Variants in ZFP42 observed in about 807,000 individuals in gnomAD.
ZFP42 encodes ZFP42 zinc finger protein.
For synonymous variants in ZFP42, 175 were observed against 144.6 expected (o/e 1.21, Z -1.51); for missense variants, 438 against 377.1 (o/e 1.16, Z -1.34).
chr4:188,003,754 T>C lies in ZFP42; in HGVS notation c.*14T>C. On this transcript the variant is annotated 3_prime_UTR_variant, in exon 4 of 4. Coordinates refer to ENST00000326866, the MANE Select transcript of ZFP42 (RefSeq NM_174900.5). ...GAGGGAAAGTAGTCCTCCAACAGGA[T>C]GAAGCAGATTAACAGAAGAGTGATC... The C allele has an allele frequency of 6.3e-7, 1 of 1,595,012 alleles. No individual in the cohort carries two copies. The highest frequency in any genetic ancestry group is 8.6e-7 in the Non-Finnish European group (1 of 1,167,682).
chr4:187,997,775 C>T (rs1733658873), intron 1 of ZFP42, among the ~76,000 whole-genome samples: 1 of 152,102 alleles, frequency 6.6e-6, no homozygotes. Context: ...TGAGCAACCC[C>T]ACGTACTATG....
At chr4:188,001,346 C>A (rs544125809) in intron 3 of ZFP42, among the ~76,000 whole-genome samples, 1 of 152,242 alleles carries the variant, frequency 6.6e-6, no homozygotes, top group Non-Finnish European at 1.5e-5. Flanking sequence ...ATAGTCAAAG[C>A]AATAACATAT....
downstream of ZFP42, chr4:188,005,132 T>C (rs961422304): frequency 5.4e-5 from 9 of 166,742 alleles, no homozygotes; most frequent in Non-Finnish European, 4.4e-5. Flanking sequence ...TTAGCAAAAT[T>C]CAACAGACTG....
intron 1 of ZFP42, among the ~76,000 whole-genome samples, chr4:187,998,392 A>G (rs1222650694): frequency 6.6e-6 from 1 of 152,216 alleles, no homozygotes; most frequent in African/African-American, 2.4e-5. Flanking sequence ...GCTAAGGTTA[A>G]TTTATTATTC....
rs1733926939 is a variant in ZFP42, at chr4:188,003,483, T to G, written c.676T>G (p.Phe226Val). 1.9e-6 allele frequency: 3 copies of G among 1,613,770 alleles called. No individual in the cohort carries two copies. The highest frequency in any genetic ancestry group is 2.5e-6 in the Non-Finnish European group (3 of 1,180,026). ...DHVCAECGKA[F>V]VESSKLKRHF... ...CGTCTGTGCGGAATGTGGGAAAGCG[T>G]TCGTTGAGAGCTCAAAACTAAAGAG... The change falls in exon 4 of 4, where the codon TTC (phenylalanine) becomes GTC (valine). Residue 226 changes from phenylalanine to valine, a missense_variant. By Grantham distance (50) the Phe-to-Val change is conservative. Transcript: ENST00000326866.
chr4:187,997,314 A>G (rs1240810449), intron 1 of ZFP42, among the ~76,000 whole-genome samples: 23 of 133,660 alleles, frequency 1.7e-4, no homozygotes, highest in African/African-American at 6.7e-4. Flanking sequence ...GCTCACTGCA[A>G]CCTCCGCCTC....
intron 1 of ZFP42, among the ~76,000 whole-genome samples, chr4:187,998,180 T>C (rs1178949592): frequency 6.6e-6 from 1 of 151,818 alleles, no homozygotes; most frequent in African/African-American, 2.4e-5. Context: ...CTACTAAAAA[T>C]ACGAAATTAG....
At chr4:188,005,143 A>G (rs1398083941), downstream of ZFP42, 1 of 166,470 alleles carries the variant, frequency 6.0e-6, no homozygotes, top group Non-Finnish European at 1.5e-5. Context: ...CAACAGACTG[A>G]TGTTCGGTAT....
Position 188,003,114 on chromosome 4 carries a change from G to C in ZFP42, c.307G>C (p.Glu103Gln), listed in dbSNP as rs1733901057. 2 of 1,614,128 alleles carry C rather than the reference G, an allele frequency of 1.2e-6. No homozygotes were observed. Among genetic ancestry groups the C allele is most frequent in the Non-Finnish European group, 1.7e-6 (2 of 1,180,044 alleles). ...CTTGGAATACCTAAAGAAAGGATCA[G>C]AACAACAGCTTTCTCAAAAGGTTTT... ...ESLEYLKKGS[E>Q]QQLSQKVFEA... The change falls in exon 4 of 4, where the codon GAA (glutamate) becomes CAA (glutamine). Residue 103 changes from glutamate to glutamine, a missense_variant. Coordinates refer to ENST00000326866, the MANE Select transcript of ZFP42 (RefSeq NM_174900.5).
intron 1 of ZFP42, among the ~76,000 whole-genome samples, chr4:187,998,433 A>G (rs1224126223): frequency 2.0e-5 from 3 of 152,186 alleles, no homozygotes; most frequent in Non-Finnish European, 2.9e-5. Context: ...TAAGTTCTAA[A>G]ATTTGCCTAA....
At chr4:187,996,987 G>GGGAGCATGGAGCATGGAGCGTGGAGCGT (rs796128578) in intron 1 of ZFP42, among the ~76,000 whole-genome samples, 636 of 58,922 alleles carry the variant, frequency 0.011, 3 homozygotes, top group Middle Eastern at 0.037. Flanking sequence ...CATAGCTGTA[G>GGGAGCATGGAGCATGGAGCGTGGAGCGT]GGAGCATGGA....
At position 187,998,898 on chromosome 4, in the gene ZFP42, GTTTTC is replaced by G. The variant is rs544264484; in HGVS notation, c.-338-205_-338-201del. ...CAGAAATTGGCTTGCCATATAAATA[GTTTTC>G]TTTTAGTAAATTAATAAATTACCAT... On this transcript the variant is annotated intron_variant, in intron 1 of 3. Coordinates refer to ENST00000326866, the MANE Select transcript of ZFP42 (RefSeq NM_174900.5). 2.0e-3 allele frequency among the ~76,000 whole-genome samples: 298 copies of G among 152,168 alleles called. 1 individual carries two copies. Among genetic ancestry groups the G allele is most frequent in the African/African-American group, 6.8e-3 (281 of 41,500 alleles).
chr4:187,997,310 T>A (rs1440809470), intron 1 of ZFP42, among the ~76,000 whole-genome samples: 1 of 138,382 alleles, frequency 7.2e-6, no homozygotes, highest in African/African-American at 2.7e-5. Flanking sequence ...CTCGGCTCAC[T>A]GCAACCTCCG....
intron 3 of ZFP42, among the ~76,000 whole-genome samples, 160 bp downstream of exon 3, chr4:187,999,845 C>T (rs1386576117): frequency 6.6e-6 from 1 of 152,114 alleles, no homozygotes. Context: ...GGGAAGCAAG[C>T]CTCTGTGTGT....
chr4:187,998,221 A>T (rs1306461665), intron 1 of ZFP42, among the ~76,000 whole-genome samples: 1 of 152,096 alleles, frequency 6.6e-6, no homozygotes, highest in Non-Finnish European at 1.5e-5. Context: ...CTGTAATCCC[A>T]GCTACTCAGG....
Position 188,003,048 on chromosome 4 carries a change from T to G in ZFP42, c.241T>G (p.Phe81Val). 3 of 1,613,726 alleles carry G rather than the reference T, an allele frequency of 1.9e-6. No homozygotes were observed. Among genetic ancestry groups the G allele is most frequent in the Non-Finnish European group, 2.5e-6 (3 of 1,179,940 alleles). ...CYIECVIRGE[F>V]SQPILEEDSL... ...CATAGAATGCGTCATAAGGGGTGAGTTTTCTCAACCCATCCTGGAAGAGGA... is the reference window on the plus strand; with the variant it reads ...CATAGAATGCGTCATAAGGGGTGAGGTTTCTCAACCCATCCTGGAAGAGGA... The change falls in exon 4 of 4, where the codon TTT (phenylalanine) becomes GTT (valine). Residue 81 changes from phenylalanine (F) to valine (V), a missense_variant. By Grantham distance (50) the Phe-to-Val change is conservative. Coordinates refer to ENST00000326866, the MANE Select transcript of ZFP42 (RefSeq NM_174900.5).
At chr4:188,001,770 A>G (rs1436194938) in intron 3 of ZFP42, among the ~76,000 whole-genome samples, 3 of 152,224 alleles carry the variant, frequency 2.0e-5, no homozygotes, top group African/African-American at 7.2e-5. Flanking sequence ...GAATGAATAA[A>G]AAGGTAATAA....
chr4:188,000,328 A>G (rs1049197445), intron 3 of ZFP42, among the ~76,000 whole-genome samples: 3 of 152,078 alleles, frequency 2.0e-5, no homozygotes, highest in Admixed American at 6.5e-5. Flanking sequence ...AAAGGTGCTA[A>G]TATTGTGCTT....
At chr4:187,996,916 C>A (rs1733595327) in intron 1 of ZFP42, among the ~76,000 whole-genome samples, 1 of 152,258 alleles carries the variant, frequency 6.6e-6, no homozygotes, top group East Asian at 1.9e-4. Context: ...TGCAAATGGT[C>A]CCGGGGCTCA....
Sources: allele counts gnomAD v4.1 joint callset (sites outside exome capture counted in the v4.1 genomes callset), GRCh38; gene constraint gnomAD v4.1.1; transcripts MANE v1.5; gene names NCBI Gene and HGNC (gene_info 2026-07-23, HGNC 2026-07-21).